Variants in ZNF462 observed in about 807,000 individuals in gnomAD.
ZNF462 encodes zinc finger protein 462.
A neutral mutation model predicts 201.9 loss-of-function variants in ZNF462; 10 were observed. The ratio of observed to expected loss-of-function variants is 0.05; its 90% confidence interval spans 0.03 to 0.08. The LOEUF (loss-of-function observed/expected upper bound fraction) is 0.08. Ranked by LOEUF, ZNF462 falls within the 10% of genes least tolerant of loss-of-function variation. ZNF462 has a pLI of 1.00. For synonymous variants in ZNF462, 1,227 were observed against 1,193.3 expected (o/e 1.03, Z -0.58); for missense variants, 2,523 against 3,168.3 (o/e 0.80, Z 4.89).
intron 1 of ZNF462, among the ~76,000 whole-genome samples, chr9:106,881,656 G>C (rs1447229100): frequency 6.6e-6 from 1 of 152,178 alleles, no homozygotes; most frequent in Non-Finnish European, 1.5e-5. Flanking sequence ...GAATATACCT[G>C]AGTTTTACAT....
chr9:106,960,194 A>AAT (rs748024220), intron 7 of ZNF462, among the ~76,000 whole-genome samples: 19 of 151,946 alleles, frequency 1.3e-4, no homozygotes, highest in African/African-American at 4.1e-4. Flanking sequence ...CGTGTATCTA[A>AAT]ATATATATAT....
rs531984446 is a variant in ZNF462 at position 106,876,510 on chromosome 9, A to C, written c.-31+13155A>C. On this transcript the variant is annotated intron_variant, in intron 1 of 12. Coordinates refer to ENST00000277225, the MANE Select transcript of ZNF462 (RefSeq NM_021224.6). This position sits in a 1 kb window ranked among gnomAD's most constrained non-coding sequence, Gnocchi z 4.9. ...TGAGTAGTCTTTGCTGCAGTTGTCC[A>C]TTCCCAGCTAGACTTTATTACATCT... Among the ~76,000 whole-genome samples, 22 of 152,312 alleles carry C rather than the reference A, an allele frequency of 1.4e-4. No homozygotes were observed. Among genetic ancestry groups the C allele is most frequent in the African/African-American group, 5.1e-4 (21 of 41,582 alleles).
At chr9:106,956,477 A>C (rs1831579324) in intron 7 of ZNF462, among the ~76,000 whole-genome samples, 1 of 152,106 alleles carries the variant, frequency 6.6e-6, no homozygotes, top group South Asian at 2.1e-4. Context: ...ATTTTAAAGG[A>C]TTTTTTGAAT....
intron 1 of ZNF462, among the ~76,000 whole-genome samples, chr9:106,909,666 A>G (rs1829460610): frequency 1.3e-5 from 2 of 152,214 alleles, no homozygotes; most frequent in South Asian, 2.1e-4. Flanking sequence ...TTGAGCCTCT[A>G]CAGACACAGC....
rs893367886 is a variant in ZNF462, at chr9:106,935,366, A to G, written c.6117-137A>G. 1 of 638,984 alleles carries G rather than the reference A, an allele frequency of 1.6e-6. No homozygotes were observed. Among genetic ancestry groups the G allele is most frequent in the African/African-American group, 1.8e-5 (1 of 54,746 alleles). 39.6% of individuals were successfully genotyped at this position (638,984 alleles called of 1,614,324 possible). On this transcript the variant is annotated intron_variant, in intron 5 of 12. Coordinates refer to ENST00000277225, the MANE Select transcript of ZNF462 (RefSeq NM_021224.6). This position sits in a 1 kb window ranked among gnomAD's most constrained non-coding sequence, Gnocchi z 4.1. ...TTGAAAATTAATTAATTAAATTGAT[A>G]AATGCCATTATTGGAAAGTAAACAA...
chr9:106,985,097 AAAG>A (rs1257756699), intron 10 of ZNF462, among the ~76,000 whole-genome samples: 2 of 152,160 alleles, frequency 1.3e-5, no homozygotes, highest in African/African-American at 4.8e-5. Flanking sequence ...GGCGACAAAA[AAAG>A]AAAGAAAGCA....
In ZNF462 at chr9:106,954,767, C is replaced by G. The variant is rs1018843618; in HGVS notation, c.6427+15660C>G. Among the ~76,000 whole-genome samples the G allele has an allele frequency of 6.6e-6, 1 of 152,140 alleles. No individual in the cohort carries two copies. The highest frequency in any genetic ancestry group is 2.4e-5 in the African/African-American group (1 of 41,428). On this transcript the variant is annotated intron_variant, in intron 7 of 12. Transcript: ENST00000277225. The surrounding 1 kb of genome is among the most constrained non-coding windows in gnomAD (Gnocchi z 4.0). ...TGATCTCCCGAGATGTGAGTCAACT[C>G]TTCCTCTGAAATCCCTCAATGCTGT... is the stretch of plus-strand genomic sequence containing the variant.
chr9:106,892,115 T>C (rs1417203641), intron 1 of ZNF462, among the ~76,000 whole-genome samples: 1 of 152,218 alleles, frequency 6.6e-6, no homozygotes, highest in Non-Finnish European at 1.5e-5. Flanking sequence ...AGGTCTAAAA[T>C]TGGTGGTGGC....
At chr9:106,864,222 C>G (rs917601695) in intron 1 of ZNF462, among the ~76,000 whole-genome samples, 1 of 148,990 alleles carries the variant, frequency 6.7e-6, no homozygotes, top group Admixed American at 6.7e-5. Flanking sequence ...GGGCACCGGC[C>G]GGGTGGGGGG....
Position 106,991,839 on chromosome 9 carries a change from T to TCTACACACACAC in ZNF462, c.7056+7430_7056+7431insCTACACACACAC, listed in dbSNP as rs941555040. 1.4e-4 allele frequency among the ~76,000 whole-genome samples: 19 copies of TCTACACACACAC among 136,350 alleles called. 1 individual carries two copies. The highest frequency in any genetic ancestry group is 4.8e-4 in the African/African-American group (17 of 35,400). The allele number at this position is 136,350 out of a possible 152,430, so 89.5% of individuals were successfully genotyped here. ...GACCCTTGACCTTTACAGCACTCTC[T>TCTACACACACAC]ACACACACACACACACACACACACA... On this transcript the variant is annotated intron_variant, in intron 10 of 12. Transcript: ENST00000277225.
intron 9 of ZNF462, among the ~76,000 whole-genome samples, chr9:106,983,156 G>A (rs1478326898): frequency 2.0e-5 from 3 of 152,118 alleles, no homozygotes; most frequent in African/African-American, 7.2e-5. Context: ...TGATACTCTG[G>A]GCAGACTGGT....
Position 106,926,604 on chromosome 9 carries a change from T to G in ZNF462, c.2692T>G (p.Phe898Val), listed in dbSNP as rs765229758. 1 of 1,614,042 alleles carries G rather than the reference T, an allele frequency of 6.2e-7. No homozygotes were observed. Among genetic ancestry groups the G allele is most frequent in the Non-Finnish European group, 8.5e-7 (1 of 1,180,020 alleles). Residue 898 changes from phenylalanine (F) to valine (V), a missense_variant, in exon 3 of 13, where the codon TTC (phenylalanine) becomes GTC (valine). Coordinates refer to ENST00000277225, the MANE Select transcript of ZNF462 (RefSeq NM_021224.6). This position sits in a 1 kb window ranked among gnomAD's most constrained non-coding sequence, Gnocchi z 7.9. ...GGAATGCTACATCGATTACACCAAC[T>G]TCGAAGATCTCCAGCAGCATTATGG... ...CLECYIDYTN[F>V]EDLQQHYGEH...
At chr9:106,937,256 T>C (rs1156976487) in intron 6 of ZNF462, among the ~76,000 whole-genome samples, 3 of 152,156 alleles carry the variant, frequency 2.0e-5, no homozygotes, top group Non-Finnish European at 4.4e-5. Context: ...AGTAGTATTC[T>C]ATATATTGTC....
upstream of ZNF462, among the ~76,000 whole-genome samples, chr9:106,861,068 C>T (rs544566898): frequency 3.3e-5 from 5 of 152,068 alleles, no homozygotes; most frequent in East Asian, 7.7e-4. Context: ...TCTTCTCCAC[C>T]GCACGCGTAG....
intron 1 of ZNF462, among the ~76,000 whole-genome samples, chr9:106,888,359 A>G (rs1475062431): frequency 2.6e-5 from 4 of 152,162 alleles, no homozygotes; most frequent in African/African-American, 7.2e-5. Flanking sequence ...ATTTAGATCT[A>G]CCACCAGAGC....
Position 106,927,011 on chromosome 9 carries a change from T to C in ZNF462, c.3099T>C (p.Asp1033=). The C allele has an allele frequency of 6.2e-7, 1 of 1,614,204 alleles. No homozygotes were observed. The highest frequency in any genetic ancestry group is 1.7e-5 in the Admixed American group (1 of 60,030). ...ACACTGTTGTTGTTTATGATTGTGA[T>C]GTTTGTTCGTTTGCAAGCCCCAACA... The part of the protein sequence containing the change: ...LVNTVVVYDC[D]VCSFASPNMH... The change falls in exon 3 of 13, where the codon GAT becomes GAC. Residue 1033 remains aspartate (D), a synonymous_variant. Coordinates refer to ENST00000277225, the MANE Select transcript of ZNF462 (RefSeq NM_021224.6).
chr9:106,971,926 C>T, intron 7 of ZNF462, 79 bp from the exon 8 acceptor site: 1 of 1,513,500 alleles, frequency 6.6e-7, no homozygotes, highest in Non-Finnish European at 8.9e-7. Flanking sequence ...TAAAAAGAAA[C>T]CTGATGTCAG....
chr9:106,967,715 A>G (rs1222838954), intron 7 of ZNF462, among the ~76,000 whole-genome samples: 1 of 152,194 alleles, frequency 6.6e-6, no homozygotes, highest in Non-Finnish European at 1.5e-5. Context: ...AGGACAATTT[A>G]TCAAGCATCT....
At chr9:106,900,203 CGTGT>C (rs3056258) in intron 1 of ZNF462, among the ~76,000 whole-genome samples, 21,044 of 134,328 alleles carry the variant, frequency 0.16, 1,620 homozygotes, top group African/African-American at 0.18. Context: ...AGTATTCCAT[CGTGT>C]GTGTGTGTGT....
Sources: allele counts gnomAD v4.1 joint callset (sites outside exome capture counted in the v4.1 genomes callset), GRCh38; gene constraint gnomAD v4.1.1; non-coding constraint Gnocchi (gnomAD v3.1); transcripts MANE v1.5; gene names NCBI Gene and HGNC (gene_info 2026-07-23, HGNC 2026-07-21).